Variants in POU2F2 observed in about 807,000 individuals in gnomAD.
The protein encoded by POU2F2 is POU class 2 homeobox 2.
A neutral mutation model predicts 63.5 loss-of-function variants in POU2F2; 14 were observed. The ratio of observed to expected loss-of-function variants is 0.22; its 90% CI spans 0.15 to 0.34. POU2F2 has a LOEUF of 0.34. Ranked by LOEUF, POU2F2 falls within the 10% of genes least tolerant of loss-of-function variation. POU2F2 has a pLI of 1.00. For synonymous variants in POU2F2, 306 were observed against 348.6 expected (o/e 0.88, Z 1.36); for missense variants, 607 against 815.2 (o/e 0.74, Z 3.11).
intron 1 of POU2F2, among the ~76,000 whole-genome samples, chr19:42,171,607 G>A (rs915342312): frequency 1.8e-4 from 27 of 152,302 alleles, no homozygotes; most frequent in Admixed American, 1.2e-3. Context: ...CAAGTGGAAT[G>A]TGCCTCTCTC....
intron 1 of POU2F2, among the ~76,000 whole-genome samples, chr19:42,163,084 A>G (rs1261085192): frequency 6.6e-6 from 1 of 152,030 alleles, no homozygotes; most frequent in African/African-American, 2.4e-5. Context: ...CCTCTATCTG[A>G]TTGGACTCCG....
chr19:42,176,752 AG>A (rs1044743575), upstream of POU2F2, among the ~76,000 whole-genome samples: 4 of 143,434 alleles, frequency 2.8e-5, no homozygotes, highest in African/African-American at 7.9e-5. Flanking sequence ...ATACCCAGCC[AG>A]GGGGCAAAGC....
At chr19:42,196,574 A>T (rs180948272) in exon 1 of POU2F2, 1 of 152,046 alleles carries the variant, frequency 6.6e-6, no homozygotes, top group Non-Finnish European at 1.5e-5. Context: ...CACATCTCCC[A>T]TGGGCTCCGA....
chr19:42,183,995 ATTTT>A (rs577786741), intron 1 of POU2F2, among the ~76,000 whole-genome samples: 3 of 125,764 alleles, frequency 2.4e-5, no homozygotes, highest in Non-Finnish European at 5.1e-5. Context: ...ACGACTGGGG[ATTTT>A]TTTTTTTTTT....
upstream of POU2F2, among the ~76,000 whole-genome samples, chr19:42,197,223 A>G (rs2146835448): frequency 6.6e-6 from 1 of 152,238 alleles, no homozygotes; most frequent in African/African-American, 2.4e-5. Flanking sequence ...CTCCATCTCA[A>G]TGCTCCCACC....
chr19:42,138,918 C>A (rs552439634), intron 2 of POU2F2, among the ~76,000 whole-genome samples: 1 of 152,298 alleles, frequency 6.6e-6, no homozygotes, highest in Non-Finnish European at 1.5e-5. Flanking sequence ...TACAAACATT[C>A]CTCATCATAT....
At position 42,143,797 on chromosome 19, in the gene POU2F2, C is replaced by T. The variant is rs532335481; in HGVS notation, c.-9+16535G>A. ...CAGTGCAGTCCTTCCCCAGGTGTTC[C>T]TAAGGCTCGTCCCCTTACTTACTCC... On this transcript the variant is annotated intron_variant, in intron 2 of 6. Transcript: ENST00000524801. Among the ~76,000 whole-genome samples the T allele has an allele frequency of 1.4e-4, 22 of 152,248 alleles. No homozygotes were observed. In the South Asian group the frequency reaches 1.9e-3, roughly 13 times the overall value.
intron 2 of POU2F2, among the ~76,000 whole-genome samples, chr19:42,139,267 C>T (rs986884648): frequency 2.0e-5 from 3 of 152,084 alleles, no homozygotes; most frequent in Non-Finnish European, 2.9e-5. Context: ...TTGCAGTGAG[C>T]TGAGATCACA....
At chr19:42,126,169 G>A (rs893554145) in intron 1 of POU2F2, among the ~76,000 whole-genome samples, 4 of 152,154 alleles carry the variant, frequency 2.6e-5, no homozygotes, top group Non-Finnish European at 4.4e-5. Context: ...GAGGGGGCGG[G>A]CGCGGTGGCT....
intron 1 of POU2F2, among the ~76,000 whole-genome samples, chr19:42,185,094 C>T (rs1338406076): frequency 6.6e-6 from 1 of 152,120 alleles, no homozygotes; most frequent in African/African-American, 2.4e-5. Context: ...GGATTGAAAT[C>T]CCATCCAGTT....
chr19:42,135,811 G>A (rs773706699), upstream of POU2F2, among the ~76,000 whole-genome samples: 3 of 150,492 alleles, frequency 2.0e-5, no homozygotes, highest in Non-Finnish European at 3.0e-5. Flanking sequence ...GGGTTCAAGC[G>A]CATCTCACGC....
At chr19:42,113,981 A>G (rs1436971716) in intron 5 of POU2F2, among the ~76,000 whole-genome samples, 1 of 152,202 alleles carries the variant, frequency 6.6e-6, no homozygotes, top group Non-Finnish European at 1.5e-5. Flanking sequence ...TCAGTTTGTG[A>G]GAGAGAATTC....
At chr19:42,121,548 C>A (rs1410451692) in intron 4 of POU2F2, among the ~76,000 whole-genome samples, 1 of 152,174 alleles carries the variant, frequency 6.6e-6, no homozygotes, top group Non-Finnish European at 1.5e-5. Flanking sequence ...CTGCTCACAC[C>A]TTCTCTGCCC....
intron 5 of POU2F2, 64 bp from the exon 6 acceptor site, chr19:42,099,885 A>G: frequency 2.2e-6 from 3 of 1,343,178 alleles, no homozygotes; most frequent in African/African-American, 1.4e-5. Flanking sequence ...TCCTCTCTGC[A>G]TCACCTGAAC....
chr19:42,100,960 A>C (rs1436540783), intron 5 of POU2F2, among the ~76,000 whole-genome samples: 6 of 150,274 alleles, frequency 4.0e-5, no homozygotes, highest in Non-Finnish European at 8.9e-5. Context: ...TTAGCCAGGC[A>C]TGGTGGCACA....
intron 5 of POU2F2, among the ~76,000 whole-genome samples, chr19:42,116,029 C>T (rs1361568120): frequency 2.0e-5 from 3 of 152,200 alleles, no homozygotes; most frequent in Admixed American, 6.5e-5. Flanking sequence ...GAGGCAATGA[C>T]AGATTCTCCC....
intron 5 of POU2F2, among the ~76,000 whole-genome samples, chr19:42,104,581 A>G (rs1256700625): frequency 1.3e-5 from 2 of 152,080 alleles, no homozygotes; most frequent in Non-Finnish European, 2.9e-5. Context: ...AATCTGCAGG[A>G]TGTCCTGTTG....
intron 2 of POU2F2, among the ~76,000 whole-genome samples, chr19:42,150,560 G>A (rs971774338): frequency 2.0e-5 from 3 of 150,992 alleles, no homozygotes; most frequent in East Asian, 3.9e-4. Flanking sequence ...GGAGGGGGCC[G>A]GCAGGGGGGA....
chr19:42,093,784 C>T, intron 12 of POU2F2, 45 bp downstream of exon 12: 3 of 1,567,614 alleles, frequency 1.9e-6, no homozygotes, highest in Non-Finnish European at 2.6e-6. Context: ...CCAGCCTGTG[C>T]CACATCCTCC....
Sources: allele counts gnomAD v4.1 joint callset (sites outside exome capture counted in the v4.1 genomes callset), GRCh38; gene constraint gnomAD v4.1.1; transcripts MANE v1.5; gene names NCBI Gene and HGNC (gene_info 2026-07-23, HGNC 2026-07-21).